SYT1: variants seen among roughly 807,000 people sequenced by gnomAD.
SYT1 encodes the protein synaptotagmin-1.
A neutral mutation model predicts 44.8 loss-of-function variants in SYT1; 8 were observed. That is an observed-to-expected ratio of 0.18 (90% CI 0.10 to 0.32). The LOEUF is 0.32. SYT1 is among the 10% of genes least tolerant of loss of function. The pLI is 1.00. For synonymous variants in SYT1, 154 were observed against 188.8 expected (o/e 0.82, Z 1.51); for missense variants, 286 against 509.3 (o/e 0.56, Z 4.22).
At chr12:79,394,918 A>G (rs1253454688) in intron 9 of SYT1, among the ~76,000 whole-genome samples, 1 of 152,258 alleles carries the variant, frequency 6.6e-6, no homozygotes, top group Non-Finnish European at 1.5e-5. Context: ...AATTACCAAT[A>G]GAATTAAGGT....
chr12:78,929,677 CAT>C (rs1467733156), intron 1 of SYT1, among the ~76,000 whole-genome samples: 18 of 150,808 alleles, frequency 1.2e-4, no homozygotes, highest in African/African-American at 3.4e-4. Context: ...GCCATCTAAT[CAT>C]ATGACTTACT....
chr12:79,240,482 GA>G (rs998871999), intron 4 of SYT1, among the ~76,000 whole-genome samples: 5 of 152,096 alleles, frequency 3.3e-5, no homozygotes, highest in African/African-American at 1.2e-4. Flanking sequence ...TGTTTAAAAA[GA>G]AAATGAAAGC....
chr12:79,392,055 G>A (rs1041954090), intron 9 of SYT1, among the ~76,000 whole-genome samples: 1 of 152,150 alleles, frequency 6.6e-6, no homozygotes, highest in South Asian at 2.1e-4. Flanking sequence ...TGAAGAATGC[G>A]TAGGTACCAC....
intron 3 of SYT1, among the ~76,000 whole-genome samples, chr12:79,050,164 T>G (rs1039453871): frequency 6.9e-6 from 1 of 144,016 alleles, no homozygotes; most frequent in Admixed American, 7.1e-5. Context: ...GTGTATTATA[T>G]ACTCTTCTTA....
At chr12:79,327,201 T>C (rs1881644905) in intron 8 of SYT1, among the ~76,000 whole-genome samples, 1 of 152,080 alleles carries the variant, frequency 6.6e-6, no homozygotes, top group African/African-American at 2.4e-5. Context: ...TGTTCAGAAG[T>C]ACTACACATG....
At position 79,217,610 on chromosome 12, in the gene SYT1, A is replaced by G. The variant is rs775890153; in HGVS notation, c.91A>G (p.Ser31Gly). Residue 31 changes from serine (S) to glycine (G), a missense_variant, in exon 4 of 11, where the codon AGT becomes GGT. By Grantham distance (56) the Ser-to-Gly change is moderately conservative (BLOSUM62 0). Around this residue, in one of 6 missense-constraint regions of SYT1, gnomAD observed 141 missense variants for 165.7 expected, o/e 0.85. Coordinates refer to ENST00000261205, the MANE Select transcript of SYT1 (RefSeq NM_005639.3). ...GCCAAGCAACGCCACAGAGCCAGCCAGTCCTGGAGAAGGAAAGGAAGATGC... is the reference window on the plus strand; with the variant it reads ...GCCAAGCAACGCCACAGAGCCAGCCGGTCCTGGAGAAGGAAAGGAAGATGC... ...VLPSNATEPASPGEGKEDAFS... is the reference protein window; with the variant it reads ...VLPSNATEPAGPGEGKEDAFS... The G allele has an allele frequency of 1.2e-6, 2 of 1,613,406 alleles. No individual in the cohort carries two copies. The highest frequency in any genetic ancestry group is 3.3e-5 in the Admixed American group (2 of 59,900).
At chr12:79,432,461 G>T (rs980885989) in intron 9 of SYT1, among the ~76,000 whole-genome samples, 4 of 151,942 alleles carry the variant, frequency 2.6e-5, no homozygotes, top group African/African-American at 9.7e-5. Flanking sequence ...AGAACATGCG[G>T]TTTTTGGTTT....
intron 4 of SYT1, among the ~76,000 whole-genome samples, chr12:79,261,215 C>G (rs1233426441): frequency 6.6e-6 from 1 of 152,176 alleles, no homozygotes; most frequent in East Asian, 1.9e-4. Context: ...GCAAGAAAAA[C>G]AAAACTCCCT....
chr12:78,979,262 C>T (rs1452541339), intron 2 of SYT1, among the ~76,000 whole-genome samples: 1 of 152,136 alleles, frequency 6.6e-6, no homozygotes, highest in African/African-American at 2.4e-5. Context: ...TCTTACCATA[C>T]AGATCTTAAA....
intron 1 of SYT1, among the ~76,000 whole-genome samples, chr12:78,876,589 A>G (rs1874090315): frequency 7.2e-6 from 1 of 139,556 alleles, no homozygotes; most frequent in Non-Finnish European, 1.5e-5. Context: ...ACACACACGT[A>G]TACATATACA....
chr12:79,310,968 C>A (rs1880753543), intron 8 of SYT1, among the ~76,000 whole-genome samples: 1 of 152,212 alleles, frequency 6.6e-6, no homozygotes, highest in African/African-American at 2.4e-5. Context: ...CAAACAGGGA[C>A]AATTTGACTT....
chr12:78,960,996 G>A (rs1258111923), intron 1 of SYT1, among the ~76,000 whole-genome samples: 1 of 152,172 alleles, frequency 6.6e-6, no homozygotes, highest in African/African-American at 2.4e-5. Context: ...TCAAAAACAC[G>A]TATATATTCA....
intron 2 of SYT1, among the ~76,000 whole-genome samples, chr12:79,043,409 T>C (rs957256837): frequency 6.7e-6 from 1 of 148,912 alleles, no homozygotes; most frequent in Non-Finnish European, 1.5e-5. Context: ...TTGATCTTTG[T>C]TGGTTTAAAG....
intron 1 of SYT1, among the ~76,000 whole-genome samples, chr12:78,904,471 C>A (rs954373190): frequency 5.3e-5 from 8 of 152,084 alleles, no homozygotes; most frequent in Admixed American, 5.2e-4. Flanking sequence ...AACATCATAA[C>A]CTCTATTCAC....
At chr12:78,913,742 G>A (rs1417945905) in intron 1 of SYT1, among the ~76,000 whole-genome samples, 1 of 151,822 alleles carries the variant, frequency 6.6e-6, no homozygotes, top group African/African-American at 2.4e-5. Flanking sequence ...GTGGGTACAT[G>A]AAATGATTAA....
chr12:78,898,248 T>C (rs1875470308), intron 1 of SYT1, among the ~76,000 whole-genome samples: 1 of 152,052 alleles, frequency 6.6e-6, no homozygotes, highest in South Asian at 2.1e-4. Flanking sequence ...AGTGACTTAA[T>C]AAATATCAAT....
chr12:79,180,324 A>C (rs2138408734), intron 3 of SYT1, among the ~76,000 whole-genome samples: 1 of 152,242 alleles, frequency 6.6e-6, no homozygotes, highest in African/African-American at 2.4e-5. Context: ...ACTCAAATTT[A>C]GATTTTATAG....
At chr12:78,913,732 G>A (rs1287007674) in intron 1 of SYT1, among the ~76,000 whole-genome samples, 2 of 151,756 alleles carry the variant, frequency 1.3e-5, no homozygotes, top group South Asian at 2.1e-4. Context: ...TAACACAATG[G>A]TGGGTACATG....
At position 79,130,051 on chromosome 12, in the gene SYT1, T is replaced by G. The variant is rs17005237; in HGVS notation, c.-18+82689T>G. 9.2e-3 allele frequency among the ~76,000 whole-genome samples: 1,397 copies of G among 152,302 alleles called. 28 individuals carry two copies. The highest frequency in any genetic ancestry group is 0.032 in the African/African-American group (1,332 of 41,558). On this transcript the variant is annotated intron_variant, in intron 3 of 10. Coordinates refer to ENST00000261205, the MANE Select transcript of SYT1 (RefSeq NM_005639.3). ...GAAACCTTTATAAAAGCAAGTAAAC[T>G]TTTTTCATTGTACATAAAAACATGG...
Sources: gnomAD v4.1 joint callset for allele counts (sites outside exome capture counted in the v4.1 genomes callset) on GRCh38, gnomAD v4.1.1 for gene constraint, gnomAD v4.1.1 regional missense constraint, MANE v1.5 for transcripts, NCBI Gene and HGNC (gene_info 2026-07-23, HGNC 2026-07-21) for gene names.